Variants in NRG3 observed in about 807,000 individuals in gnomAD.
NRG3 encodes the protein neuregulin 3.
NRG3 carries 31 observed loss-of-function variants against 66.9 expected under a neutral mutation model. The ratio of observed to expected loss-of-function variants is 0.46; its 90% CI spans 0.35 to 0.63. The LOEUF is 0.63. NRG3 is among the 20% of genes least tolerant of loss of function. The probability of loss-of-function intolerance (pLI) is 0.00; values close to 1 mark genes in which losing one functional copy is unlikely to be tolerated. For synonymous variants in NRG3, 393 were observed against 359.4 expected, an observed-to-expected ratio of 1.09 and a Z score of -1.06; for missense variants, 910 against 878.9, an observed-to-expected ratio of 1.04 and a Z score of -0.45.
intron 2 of NRG3, among the ~76,000 whole-genome samples, chr10:82,698,162 TC>T (rs1296296392): frequency 3.5e-5 from 5 of 141,478 alleles, no homozygotes; most frequent in Middle Eastern, 3.6e-3. Flanking sequence ...GCATCTCAGT[TC>T]ATAACACGTT....
chr10:82,634,473 C>A, intron 2 of NRG3, among the ~76,000 whole-genome samples: 1 of 152,124 alleles, frequency 6.6e-6, no homozygotes. Context: ...AATAGCATGT[C>A]TAGTTTCACA....
At chr10:82,197,722 A>C (rs1278162426) in intron 1 of NRG3, among the ~76,000 whole-genome samples, 3 of 152,202 alleles carry the variant, frequency 2.0e-5, no homozygotes, top group Admixed American at 6.5e-5. Context: ...ATCTTAAGAT[A>C]ATACTAGAAG....
chr10:82,872,849 T>A (rs1433684292), intron 4 of NRG3, among the ~76,000 whole-genome samples: 1 of 152,016 alleles, frequency 6.6e-6, no homozygotes, highest in Non-Finnish European at 1.5e-5. Flanking sequence ...AGTAATGCCA[T>A]AGTGCAAATC....
chr10:82,790,953 T>C (rs1430377629), intron 3 of NRG3, among the ~76,000 whole-genome samples: 1 of 151,708 alleles, frequency 6.6e-6, no homozygotes, highest in Non-Finnish European at 1.5e-5. Flanking sequence ...TAATTATTAA[T>C]ATTCTCTGTT....
At chr10:82,530,532 G>A (rs1255624808) in intron 2 of NRG3, among the ~76,000 whole-genome samples, 1 of 151,794 alleles carries the variant, frequency 6.6e-6, no homozygotes, top group Admixed American at 6.6e-5. Context: ...TAAGTGTTCC[G>A]GAATCATATA....
At chr10:82,770,115 T>G (rs906953488) in intron 3 of NRG3, among the ~76,000 whole-genome samples, 1 of 152,158 alleles carries the variant, frequency 6.6e-6, no homozygotes, top group African/African-American at 2.4e-5. Flanking sequence ...TTCTTATTTA[T>G]TTAGTTTTTA....
chr10:82,693,635 C>T (rs1253614361), intron 2 of NRG3, among the ~76,000 whole-genome samples: 1 of 152,072 alleles, frequency 6.6e-6, no homozygotes, highest in Non-Finnish European at 1.5e-5. Flanking sequence ...GAATTTATTC[C>T]TTCTGGTGGG....
chr10:81,975,710 C>T (rs1276016784), intron 1 of NRG3, among the ~76,000 whole-genome samples: 2 of 152,100 alleles, frequency 1.3e-5, no homozygotes, highest in East Asian at 3.9e-4. Flanking sequence ...CAACCATGCC[C>T]TAATCTCCAG....
At chr10:82,416,326 T>C (rs535176113) in intron 2 of NRG3, among the ~76,000 whole-genome samples, 188 of 152,336 alleles carry the variant, frequency 1.2e-3, no homozygotes, top group African/African-American at 4.3e-3. Flanking sequence ...ACCACCTGCA[T>C]AGCAGGAAGA....
At chr10:82,819,816 TTAGAAAA>T (rs747661462) in intron 3 of NRG3, among the ~76,000 whole-genome samples, 113 of 151,962 alleles carry the variant, frequency 7.4e-4, no homozygotes, top group Middle Eastern at 6.8e-3. Context: ...ATGGAAAGAG[TTAGAAAA>T]TAGAGGAGCA....
chr10:82,196,462 T>A (rs142350424), intron 1 of NRG3, among the ~76,000 whole-genome samples: 4 of 152,194 alleles, frequency 2.6e-5, no homozygotes, highest in African/African-American at 9.6e-5. Context: ...AGAGCTGGGT[T>A]CAGGTCTCAC....
intron 4 of NRG3, among the ~76,000 whole-genome samples, chr10:82,917,301 TCTC>T (rs548773277): frequency 6.8e-4 from 104 of 152,206 alleles, no homozygotes; most frequent in Admixed American, 2.9e-3. Flanking sequence ...TCTTAGTAAA[TCTC>T]CTGAGTGTAA....
chr10:81,973,099 G>A (rs902028888), intron 1 of NRG3, among the ~76,000 whole-genome samples: 11 of 151,986 alleles, frequency 7.2e-5, no homozygotes, highest in Non-Finnish European at 2.9e-5. Flanking sequence ...AGGCCCCAGT[G>A]TGTGTTGTTC....
chr10:82,311,738 G>C (rs2081038848), intron 1 of NRG3, among the ~76,000 whole-genome samples: 1 of 152,214 alleles, frequency 6.6e-6, no homozygotes, highest in East Asian at 1.9e-4. Flanking sequence ...CTATGAAGGA[G>C]GGTTTACTAT....
intron 3 of NRG3, among the ~76,000 whole-genome samples, chr10:82,790,450 C>G (rs773745190): frequency 2.6e-5 from 4 of 152,054 alleles, no homozygotes; most frequent in Non-Finnish European, 5.9e-5. Flanking sequence ...TGCTACTAAT[C>G]TCGTTGGAAA....
intron 1 of NRG3, among the ~76,000 whole-genome samples, chr10:82,089,211 C>A (rs1381529500): frequency 6.6e-6 from 1 of 151,554 alleles, no homozygotes; most frequent in Admixed American, 6.6e-5. Context: ...TATTGAAATG[C>A]TAATTTATAA....
At chr10:82,535,123 C>T (rs1847687432) in intron 2 of NRG3, among the ~76,000 whole-genome samples, 1 of 149,546 alleles carries the variant, frequency 6.7e-6, no homozygotes, top group African/African-American at 2.5e-5. Context: ...CCACTGCACT[C>T]CAGCCTGGAT....
intron 1 of NRG3, among the ~76,000 whole-genome samples, chr10:81,974,341 A>G (rs1373311703): frequency 6.6e-6 from 1 of 152,124 alleles, no homozygotes; most frequent in Non-Finnish European, 1.5e-5. Context: ...GACATATTAC[A>G]TACAGAGGAA....
chr10:81,956,357 G>T (rs915609854), intron 1 of NRG3, among the ~76,000 whole-genome samples: 7 of 152,180 alleles, frequency 4.6e-5, no homozygotes, highest in Non-Finnish European at 1.0e-4. Flanking sequence ...GCTGAAGCCA[G>T]CATCACTTGC....
Sources: allele counts gnomAD v4.1 joint callset (sites outside exome capture counted in the v4.1 genomes callset), GRCh38; gene constraint gnomAD v4.1.1; transcripts MANE v1.5; gene names NCBI Gene and HGNC (gene_info 2026-07-23, HGNC 2026-07-21).